Variants in NTNG1 observed in about 807,000 individuals in gnomAD.
NTNG1 encodes netrin-G1.
Under a neutral mutation model 54.0 loss-of-function variants are expected in NTNG1, and 16 were observed. The observed-to-expected ratio is 0.30, with a 90% confidence interval of 0.20 to 0.45. The LOEUF is 0.45. Among genes scored for constraint, NTNG1 ranks in the 20% least tolerant of loss-of-function variants. NTNG1 has a pLI of 1.00. For missense variants in NTNG1, 530 were observed against 678.7 expected (o/e 0.78, Z 2.43); for synonymous variants, 255 against 263.1 (o/e 0.97, Z 0.30).
At chr1:107,414,861 A>C (rs1288506358) in intron 5 of NTNG1, among the ~76,000 whole-genome samples, 1 of 152,186 alleles carries the variant, frequency 6.6e-6, no homozygotes, top group Non-Finnish European at 1.5e-5. Flanking sequence ...GGAATTGTTC[A>C]AGTGGTGGAA....
chr1:107,395,575 A>G, intron 4 of NTNG1: 1 of 665,300 alleles, frequency 1.5e-6, no homozygotes, highest in Non-Finnish European at 2.8e-6. Context: ...CACAGAAGGA[A>G]TTTTTTATAA....
rs555402263 is a variant in NTNG1 at position 107,331,169 on chromosome 1, C to T, written c.887+6247C>T. On this transcript the variant is annotated intron_variant, in intron 3 of 7. Coordinates refer to ENST00000370068, the MANE Select transcript of NTNG1 (RefSeq NM_001113226.3). Reference sequence around the variant, plus strand: ...CAAAGTGGTAAAATCAGGTTTTTCACGGCAAACCTTAGGCTTTTTCCAAGC... The same window carrying T: ...CAAAGTGGTAAAATCAGGTTTTTCATGGCAAACCTTAGGCTTTTTCCAAGC... 1.8e-4 allele frequency among the ~76,000 whole-genome samples: 28 copies of T among 152,066 alleles called. No individual in the cohort carries two copies. The South Asian group carries it at 3.3e-3, about 18-fold the overall frequency.
chr1:107,326,845 A>C (rs2101886029), intron 3 of NTNG1, among the ~76,000 whole-genome samples: 1 of 152,210 alleles, frequency 6.6e-6, no homozygotes, highest in East Asian at 1.9e-4. Context: ...GTTTCCTCTA[A>C]TAATTTAAAA....
chr1:107,339,119 G>A (rs757708455), intron 3 of NTNG1, among the ~76,000 whole-genome samples: 16 of 152,026 alleles, frequency 1.1e-4, no homozygotes, highest in Non-Finnish European at 1.9e-4. Context: ...GCTGATTATG[G>A]ATGGAGGAAT....
chr1:107,272,608 A>G (rs1281731825), intron 2 of NTNG1, among the ~76,000 whole-genome samples: 1 of 152,164 alleles, frequency 6.6e-6, no homozygotes, highest in African/African-American at 2.4e-5. Flanking sequence ...GAATTCAGGT[A>G]TAGAATACCT....
At chr1:107,190,590 T>A (rs7544283) in intron 2 of NTNG1, among the ~76,000 whole-genome samples, 2 of 152,044 alleles carry the variant, frequency 1.3e-5, no homozygotes, top group African/African-American at 4.8e-5. Context: ...CCCCACCCCA[T>A]AACAGGCCCC....
At chr1:107,246,364 T>C (rs2101599801) in intron 2 of NTNG1, among the ~76,000 whole-genome samples, 2 of 148,736 alleles carry the variant, frequency 1.3e-5, no homozygotes, top group African/African-American at 5.0e-5. Context: ...TAGTAGGCTA[T>C]ACAATATAAA....
intron 2 of NTNG1, among the ~76,000 whole-genome samples, chr1:107,260,170 G>A (rs1663217244): frequency 6.6e-6 from 1 of 152,200 alleles, no homozygotes. Context: ...CACGATACTA[G>A]TGTTCTGTGA....
intron 2 of NTNG1, among the ~76,000 whole-genome samples, chr1:107,319,773 T>G (rs1482615626): frequency 6.6e-6 from 1 of 151,966 alleles, no homozygotes; most frequent in Non-Finnish European, 1.5e-5. Flanking sequence ...TCAACTGTTG[T>G]TTCCAATAGT....
intron 2 of NTNG1, among the ~76,000 whole-genome samples, chr1:107,312,793 T>C (rs1667092786): frequency 6.6e-6 from 1 of 152,186 alleles, no homozygotes; most frequent in African/African-American, 2.4e-5. Flanking sequence ...TACTGCTTGG[T>C]AGAAAGATGA....
intron 4 of NTNG1, among the ~76,000 whole-genome samples, chr1:107,397,193 C>T (rs150492088): frequency 1.3e-3 from 199 of 152,254 alleles, no homozygotes; most frequent in Non-Finnish European, 2.0e-3. Context: ...TTTCTGTATA[C>T]ATTTTGGACG....
At chr1:107,471,724 T>A (rs547215) in intron 7 of NTNG1, among the ~76,000 whole-genome samples, 148,279 of 152,324 alleles carry the variant, frequency 0.97, 72,300 homozygotes, top group East Asian at 1. Flanking sequence ...CTTGCTCAAG[T>A]TTCATACTAG....
intron 2 of NTNG1, among the ~76,000 whole-genome samples, chr1:107,168,798 A>G (rs1201146254): frequency 2.6e-5 from 4 of 152,160 alleles, no homozygotes; most frequent in Non-Finnish European, 5.9e-5. Context: ...AATCTGCAGA[A>G]ACATCTCAAA....
intron 2 of NTNG1, among the ~76,000 whole-genome samples, chr1:107,285,459 T>C (rs906107038): frequency 2.0e-5 from 3 of 152,142 alleles, no homozygotes; most frequent in African/African-American, 7.2e-5. Flanking sequence ...AAGGCTTGTA[T>C]TCACACAAGG....
intron 5 of NTNG1, among the ~76,000 whole-genome samples, chr1:107,417,089 T>C (rs1674264661): frequency 1.3e-5 from 2 of 152,090 alleles, no homozygotes; most frequent in Admixed American, 6.6e-5. Flanking sequence ...ATTCAATATC[T>C]ACCCATCATC....
intron 3 of NTNG1, among the ~76,000 whole-genome samples, chr1:107,394,902 C>T (rs1430266420): frequency 6.6e-6 from 1 of 152,106 alleles, no homozygotes; most frequent in Non-Finnish European, 1.5e-5. Flanking sequence ...CTTCAGGCCC[C>T]CACTGACTTG....
intron 6 of NTNG1, among the ~76,000 whole-genome samples, chr1:107,431,777 AAT>A (rs1170459415): frequency 6.6e-6 from 1 of 152,204 alleles, no homozygotes; most frequent in Non-Finnish European, 1.5e-5. Flanking sequence ...AATGCTGAAA[AAT>A]ATATGTGTAG....
intron 2 of NTNG1, among the ~76,000 whole-genome samples, chr1:107,291,321 G>A (rs1198053302): frequency 1.3e-5 from 2 of 152,000 alleles, no homozygotes; most frequent in African/African-American, 4.8e-5. Context: ...GAAAATATGT[G>A]TAACCAATTC....
At chr1:107,316,096 T>C (rs1440740797) in intron 2 of NTNG1, among the ~76,000 whole-genome samples, 3 of 152,196 alleles carry the variant, frequency 2.0e-5, no homozygotes, top group Non-Finnish European at 4.4e-5. Flanking sequence ...CCTGTGCCTG[T>C]ACTCAGAACC....
Sources: gnomAD v4.1 joint callset for allele counts (sites outside exome capture counted in the v4.1 genomes callset) on GRCh38, gnomAD v4.1.1 for gene constraint, MANE v1.5 for transcripts, NCBI Gene and HGNC (gene_info 2026-07-23, HGNC 2026-07-21) for gene names.